The following VWA3B variants were observed in gnomAD, a reference collection of about 807,000 sequenced individuals.
The protein encoded by VWA3B is von Willebrand factor A domain containing 3B, also known as von Willebrand factor A domain-containing protein 3B.
VWA3B carries 138 observed loss-of-function variants against 158.3 expected under a neutral mutation model. That is an observed-to-expected ratio of 0.87 (90% CI 0.76 to 1.00). VWA3B has a LOEUF of 1.00. Among genes scored for constraint, VWA3B ranks in the 50% least tolerant of loss-of-function variants. VWA3B has a pLI of 0.00. For synonymous variants in VWA3B, 596 were observed against 587.3 expected (o/e 1.01, Z -0.21); for missense variants, 1,555 against 1,565.1 (o/e 0.99, Z 0.11).
intron 12 of VWA3B, chr2:98,207,631 A>G: frequency 2.1e-6 from 1 of 473,388 alleles, no homozygotes; most frequent in Non-Finnish European, 4.1e-6. Flanking sequence ...GCAGATTTTG[A>G]TAGGTGAACA....
At chr2:98,106,363 A>G (rs758626273) in intron 2 of VWA3B, among the ~76,000 whole-genome samples, 1 of 151,772 alleles carries the variant, frequency 6.6e-6, no homozygotes, top group Non-Finnish European at 1.5e-5. Flanking sequence ...ACTCTAGTTC[A>G]TTTGCCTTTC....
chr2:98,282,114 A>G (rs1688911551), intron 22 of VWA3B, among the ~76,000 whole-genome samples: 2 of 152,244 alleles, frequency 1.3e-5, no homozygotes, highest in Non-Finnish European at 2.9e-5. Flanking sequence ...ATTCAAAACC[A>G]GCAGGATGTC....
At chr2:98,328,947 A>G in the VWA3B span, among the ~76,000 whole-genome samples, 2 of 152,340 alleles carry the variant, frequency 1.3e-5, no homozygotes, top group African/African-American at 4.8e-5. Flanking sequence ...CTTTAAAGCT[A>G]CATTAAACAA....
the VWA3B span, among the ~76,000 whole-genome samples, chr2:98,322,191 T>C: frequency 6.6e-6 from 1 of 152,204 alleles, no homozygotes; most frequent in Non-Finnish European, 1.5e-5. Flanking sequence ...TTAAGTTACC[T>C]CTATTTAAAG....
At chr2:98,092,622 A>G (rs1030540995) in intron 1 of VWA3B, among the ~76,000 whole-genome samples, 3 of 151,922 alleles carry the variant, frequency 2.0e-5, no homozygotes, top group South Asian at 2.1e-4. Context: ...CAGCCTGGGC[A>G]ACAGAGCGAG....
intron 15 of VWA3B, among the ~76,000 whole-genome samples, chr2:98,229,749 A>G (rs1574143147): frequency 6.6e-6 from 1 of 152,222 alleles, no homozygotes. Flanking sequence ...CCTGCAGTTG[A>G]TGGATGAGGA....
intron 25 of VWA3B, among the ~76,000 whole-genome samples, chr2:98,303,263 G>T (rs190562534): frequency 2.0e-5 from 3 of 152,082 alleles, no homozygotes; most frequent in Non-Finnish European, 4.4e-5. Flanking sequence ...GGCCGGGGGC[G>T]GGGGGTGGAG....
chr2:98,125,932 G>A lies in VWA3B; in HGVS notation c.703-2307G>A, dbSNP rs570102768. 1.3e-5 allele frequency among the ~76,000 whole-genome samples: 2 copies of A among 152,276 alleles called. No individual in the cohort carries two copies. The highest frequency in any genetic ancestry group is 3.9e-4 in the East Asian group (2 of 5,166). On this transcript the variant is annotated intron_variant, in intron 5 of 27. Transcript: ENST00000477737. The surrounding 1 kb of genome is among the most constrained non-coding windows in gnomAD (Gnocchi z 4.1). ...GCTCGCCTCAGCCTCCCAAAGTGCT[G>A]GGATTACAGGTATGAGCCACCGCTC...
intron 10 of VWA3B, among the ~76,000 whole-genome samples, chr2:98,190,801 T>C (rs1470562919): frequency 6.6e-6 from 1 of 152,180 alleles, no homozygotes; most frequent in African/African-American, 2.4e-5. Context: ...ATTTTATCAA[T>C]TTTATTGTGA....
At chr2:98,230,751 G>A (rs1165372305) in intron 16 of VWA3B, among the ~76,000 whole-genome samples, 1 of 152,128 alleles carries the variant, frequency 6.6e-6, no homozygotes, top group African/African-American at 2.4e-5. Flanking sequence ...GGGAAAGGAT[G>A]CCTACTCTTA....
At chr2:98,187,903 T>G in intron 9 of VWA3B, 72 bp from the exon 10 acceptor site, 1 of 1,470,390 alleles carries the variant, frequency 6.8e-7, no homozygotes, top group Non-Finnish European at 9.1e-7. Context: ...ACGACAGAGC[T>G]TAAGGTGCCA....
chr2:98,308,159 T>G (rs1404487016), intron 26 of VWA3B, among the ~76,000 whole-genome samples: 1 of 152,200 alleles, frequency 6.6e-6, no homozygotes, highest in Non-Finnish European at 1.5e-5. Flanking sequence ...ATTGCTAAAT[T>G]CCAGACTACT....
rs188073646 is a variant in VWA3B at position 98,157,799 on chromosome 2, A to G, written c.989-5052A>G. Among the ~76,000 whole-genome samples, 11 of 149,348 alleles carry G rather than the reference A, an allele frequency of 7.4e-5. No homozygotes were observed. The East Asian group carries it at 2.2e-3, about 30-fold the overall frequency. On this transcript the variant is annotated intron_variant, in intron 7 of 27. Transcript: ENST00000477737. ...GGCAGGGCCACAAACAATGAGCCACAGTAGGACCGAGGGGATGGTCTGGGA... is the reference window on the plus strand; with the variant it reads ...GGCAGGGCCACAAACAATGAGCCACGGTAGGACCGAGGGGATGGTCTGGGA...
chr2:98,297,135 G>A (rs889104610), intron 23 of VWA3B, among the ~76,000 whole-genome samples: 2 of 151,230 alleles, frequency 1.3e-5, no homozygotes, highest in Admixed American at 6.6e-5. Context: ...AGGCTGGAGT[G>A]CAATGACGCA....
chr2:98,220,897 A>C (rs1244129286), intron 14 of VWA3B, among the ~76,000 whole-genome samples: 2 of 152,082 alleles, frequency 1.3e-5, no homozygotes, highest in Non-Finnish European at 2.9e-5. Context: ...GCATGTTCTC[A>C]CTTATAAGTG....
intron 12 of VWA3B, among the ~76,000 whole-genome samples, chr2:98,204,187 T>C (rs1441566004): frequency 6.6e-6 from 1 of 152,236 alleles, no homozygotes; most frequent in Non-Finnish European, 1.5e-5. Flanking sequence ...TCTATGTAGA[T>C]AATTGGGTAG....
intron 3 of VWA3B, among the ~76,000 whole-genome samples, chr2:98,118,795 G>A (rs1210227030): frequency 1.3e-5 from 2 of 152,018 alleles, no homozygotes; most frequent in Admixed American, 1.3e-4. Flanking sequence ...TCACAGAATA[G>A]GGCACAATTT....
chr2:98,255,045 G>A (rs1163373405), intron 20 of VWA3B, among the ~76,000 whole-genome samples: 2 of 151,494 alleles, frequency 1.3e-5, no homozygotes, highest in South Asian at 2.1e-4. Flanking sequence ...ATGGAGTCTC[G>A]CTCTGTCACC....
At chr2:98,184,997 A>G (rs892678178) in intron 9 of VWA3B, among the ~76,000 whole-genome samples, 6 of 152,132 alleles carry the variant, frequency 3.9e-5, no homozygotes, top group African/African-American at 1.4e-4. Flanking sequence ...TCAGTCCCAT[A>G]TGGAGGACCC....
Sources: allele counts gnomAD v4.1 joint callset (sites outside exome capture counted in the v4.1 genomes callset), GRCh38; gene constraint gnomAD v4.1.1; non-coding constraint Gnocchi (gnomAD v3.1); transcripts MANE v1.5; gene names NCBI Gene and HGNC (gene_info 2026-07-23, HGNC 2026-07-21).